Variants in MACROD2 observed in about 807,000 individuals in gnomAD.
The protein encoded by MACROD2 is ADP-ribose glycohydrolase MACROD2.
MACROD2 carries 36 observed loss-of-function variants against 70.4 expected under a neutral mutation model. The observed-to-expected ratio is 0.51, with a 90% CI of 0.39 to 0.68. The LOEUF (loss-of-function observed/expected upper bound fraction) is 0.68. Ranked by LOEUF, MACROD2 falls within the 30% of genes least tolerant of loss-of-function variation. The pLI, the probability that MACROD2 is intolerant of heterozygous loss-of-function variation, is 0.00. For synonymous variants in MACROD2, 172 were observed against 178.8 expected (o/e 0.96, Z 0.30); for missense variants, 496 against 538.4 (o/e 0.92, Z 0.78).
intron 7 of MACROD2, among the ~76,000 whole-genome samples, chr20:15,461,006 A>ATATATATATATATATATTTTTTTTTT: frequency 4.5e-4 from 30 of 66,988 alleles, no homozygotes; most frequent in African/African-American, 8.4e-4. Flanking sequence ...ATATATATAT[A>ATATATATATATATATATTTTTTTTTT]TTTTTTTTTA....
At chr20:15,830,800 C>G (rs987012937) in intron 8 of MACROD2, among the ~76,000 whole-genome samples, 16 of 152,156 alleles carry the variant, frequency 1.1e-4, no homozygotes, top group Non-Finnish European at 1.6e-4. Context: ...TAATATACAT[C>G]AAGCTATTTG....
At chr20:14,689,855 G>T (rs925805058) in intron 5 of MACROD2, among the ~76,000 whole-genome samples, 14 of 152,106 alleles carry the variant, frequency 9.2e-5, no homozygotes, top group African/African-American at 3.4e-4. Flanking sequence ...TATATCACAG[G>T]TACTAGAGAA....
chr20:14,581,100 C>G (rs867876981), intron 4 of MACROD2, among the ~76,000 whole-genome samples: 1 of 152,150 alleles, frequency 6.6e-6, no homozygotes, highest in African/African-American at 2.4e-5. Context: ...AAAACAATAA[C>G]CCAGCCCAGA....
intron 5 of MACROD2, among the ~76,000 whole-genome samples, chr20:14,747,639 C>T (rs2071816343): frequency 6.6e-6 from 1 of 151,980 alleles, no homozygotes. Context: ...TTTTTTTGCC[C>T]CTGAGGCTCT....
chr20:16,019,756 A>G (rs182342922), intron 15 of MACROD2, among the ~76,000 whole-genome samples: 1 of 152,318 alleles, frequency 6.6e-6, no homozygotes, highest in African/African-American at 2.4e-5. Flanking sequence ...GAGGATCCAG[A>G]AACAAATGTT....
chr20:14,277,147 C>CA (rs1020099983), intron 3 of MACROD2, among the ~76,000 whole-genome samples: 69 of 149,308 alleles, frequency 4.6e-4, no homozygotes, highest in East Asian at 1.6e-3. Flanking sequence ...ACTAAAAATA[C>CA]AAAAAAAAAA....
chr20:15,408,060 C>T (rs939061623), intron 6 of MACROD2, among the ~76,000 whole-genome samples: 1 of 152,168 alleles, frequency 6.6e-6, no homozygotes, highest in African/African-American at 2.4e-5. Flanking sequence ...GTGGTCATTT[C>T]AATTTGCTGG....
chr20:14,537,203 G>T (rs2123222949), intron 4 of MACROD2, among the ~76,000 whole-genome samples: 1 of 152,264 alleles, frequency 6.6e-6, no homozygotes, highest in East Asian at 1.9e-4. Context: ...TGGTGTCCTA[G>T]TTAGGATTCT....
intron 6 of MACROD2, among the ~76,000 whole-genome samples, chr20:15,307,885 T>C (rs560312906): frequency 6.6e-6 from 1 of 152,240 alleles, no homozygotes; most frequent in East Asian, 1.9e-4. Context: ...TTTTGAAGTG[T>C]ATAAGCCAGT....
chr20:15,954,296 C>T (rs2065946182), intron 12 of MACROD2, among the ~76,000 whole-genome samples: 2 of 152,078 alleles, frequency 1.3e-5, no homozygotes, highest in South Asian at 4.2e-4. Flanking sequence ...TGCAGACTTT[C>T]CCTGTCTCTC....
intron 7 of MACROD2, among the ~76,000 whole-genome samples, chr20:15,492,188 C>T (rs149313453): frequency 3.2e-4 from 49 of 152,272 alleles, no homozygotes; most frequent in African/African-American, 8.7e-4. Context: ...AAGTGCTTAA[C>T]GGTGAGGCTC....
chr20:15,032,872 A>G (rs2075286238), intron 5 of MACROD2, among the ~76,000 whole-genome samples: 1 of 152,246 alleles, frequency 6.6e-6, no homozygotes, highest in African/African-American at 2.4e-5. Flanking sequence ...TAGTATATCC[A>G]TAAGACAGAA....
intron 5 of MACROD2, among the ~76,000 whole-genome samples, chr20:14,934,352 G>C (rs1456427311): frequency 1.3e-5 from 2 of 152,310 alleles, no homozygotes; most frequent in East Asian, 3.9e-4. Flanking sequence ...AGCATAATGA[G>C]AGCAGCAGCA....
intron 8 of MACROD2, among the ~76,000 whole-genome samples, chr20:15,512,770 T>A (rs1198928171): frequency 6.6e-6 from 1 of 152,212 alleles, no homozygotes; most frequent in African/African-American, 2.4e-5. Context: ...GCTGGCACAA[T>A]TAGATTTCTT....
At position 15,603,547 on chromosome 20, in the gene MACROD2, C is replaced by T. The variant is rs114789035; in HGVS notation, c.645+103700C>T. 2.6e-3 allele frequency among the ~76,000 whole-genome samples: 386 copies of T among 150,064 alleles called. 3 individuals carry two copies. Among genetic ancestry groups the T allele is most frequent in the African/African-American group, 8.9e-3 (366 of 41,048 alleles). On this transcript the variant is annotated intron_variant, in intron 8 of 17. Transcript: ENST00000684519. Reference sequence around the variant, plus strand: ...AGATATAAGGGAAATAGCCATAAATCTATTCATAGATAAATTGCAATCTGG... The same window carrying T: ...AGATATAAGGGAAATAGCCATAAATTTATTCATAGATAAATTGCAATCTGG...
At chr20:14,635,212 T>C (rs1984724542) in intron 4 of MACROD2, among the ~76,000 whole-genome samples, 1 of 152,210 alleles carries the variant, frequency 6.6e-6, no homozygotes, top group African/African-American at 2.4e-5. Context: ...CAGAGGCCCC[T>C]GGAGAGGCAC....
intron 4 of MACROD2, chr20:14,493,777 AAC>A (rs2084821041): frequency 3.5e-6 from 1 of 282,878 alleles, no homozygotes; most frequent in African/African-American, 2.2e-5. Context: ...AAGCTATATG[AAC>A]ACACATGTAA....
intron 4 of MACROD2, among the ~76,000 whole-genome samples, chr20:14,616,295 A>G (rs952268999): frequency 6.6e-6 from 1 of 152,076 alleles, no homozygotes; most frequent in Admixed American, 6.6e-5. Context: ...CAGTGTTTTC[A>G]CTTTCTAGCC....
chr20:15,199,121 A>G (rs2076633011), intron 5 of MACROD2, among the ~76,000 whole-genome samples: 1 of 150,964 alleles, frequency 6.6e-6, no homozygotes, highest in Admixed American at 6.6e-5. Flanking sequence ...CTGCAATCCT[A>G]GCACTTTGGG....
Sources: gnomAD v4.1 joint callset for allele counts (sites outside exome capture counted in the v4.1 genomes callset) on GRCh38, gnomAD v4.1.1 for gene constraint, MANE v1.5 for transcripts, NCBI Gene and HGNC (gene_info 2026-07-23, HGNC 2026-07-21) for gene names.